SRSF5: variants seen among roughly 807,000 people sequenced by gnomAD.
SRSF5 encodes serine/arginine-rich splicing factor 5.
A neutral mutation model predicts 34.0 loss-of-function variants in SRSF5; 5 were observed. The observed-to-expected ratio is 0.15, with a 90% CI of 0.08 to 0.31. SRSF5 has a LOEUF of 0.31. Ranked by LOEUF, SRSF5 falls within the 10% of genes least tolerant of loss-of-function variation. The pLI, the probability that SRSF5 is intolerant of heterozygous loss-of-function variation, is 1.00. For synonymous variants in SRSF5, 164 were observed against 117.7 expected (o/e 1.39, Z -2.55); for missense variants, 223 against 351.4 (o/e 0.63, Z 2.92).
Position 69,767,696 on chromosome 14 carries a change from C to T in SRSF5, c.-20+441C>T, listed in dbSNP as rs770728590. ...CCGCCGCCATTTTGTGGCCGCAGAG[C>T]GCCCGCCCGCTGCTGTTGGCGCAGG... On this transcript the variant is annotated intron_variant, in intron 1 of 7. Coordinates refer to ENST00000557154, the MANE Select transcript of SRSF5 (RefSeq NM_001320214.2). The T allele has an allele frequency of 9.3e-5, 34 of 363,904 alleles. 2 individuals are homozygous for T. The highest frequency in any genetic ancestry group is 1.9e-4 in the Non-Finnish European group (34 of 183,188). The allele number at this position is 363,904 out of a possible 1,614,324, so 22.5% of individuals were successfully genotyped here.
chr14:69,771,172 G>A, intron 7 of SRSF5, 22 bp from the exon 8 acceptor site: 1 of 1,613,784 alleles, frequency 6.2e-7, no homozygotes, highest in Non-Finnish European at 8.5e-7. Flanking sequence ...TATCTAGGCT[G>A]ATTTCTTTTC....
At chr14:69,768,757 A>T in intron 3 of SRSF5, 41 bp from the exon 4 acceptor site, 1 of 1,611,598 alleles carries the variant, frequency 6.2e-7, no homozygotes, top group Non-Finnish European at 8.5e-7. Context: ...AGATTTATGT[A>T]GCTTAAGTGT....
At chr14:69,768,949 A>T in intron 4 of SRSF5, 53 bp downstream of exon 4, 2 of 1,560,676 alleles carry the variant, frequency 1.3e-6, no homozygotes, top group Non-Finnish European at 1.8e-6. Flanking sequence ...GGTAGCATTT[A>T]AGATTCAGGA....
intron 1 of SRSF5, 44 bp downstream of exon 1, chr14:69,767,299 T>G: frequency 2.4e-6 from 1 of 415,018 alleles, no homozygotes; most frequent in South Asian, 1.7e-5. Context: ...GATCGAGGCT[T>G]CTTCATGGCC....
intron 4 of SRSF5, 133 bp from the exon 5 acceptor site, chr14:69,769,049 T>A (rs1257767946): frequency 7.7e-7 from 1 of 1,296,822 alleles, no homozygotes; most frequent in East Asian, 2.4e-5. Context: ...TCTATATGAG[T>A]CATAGAACAC....
At chr14:69,769,483 A>G in intron 5 of SRSF5, 1 of 1,535,156 alleles carries the variant, frequency 6.5e-7, no homozygotes, top group Non-Finnish European at 8.7e-7. Context: ...TCAATTTTTA[A>G]CCAAATATTA....
rs758681896 is a variant in SRSF5, at chr14:69,771,110, C to G, written c.551+5C>G. The G allele has an allele frequency of 6.2e-7, 1 of 1,612,634 alleles. No homozygotes were observed. Among genetic ancestry groups the G allele is most frequent in the South Asian group, 1.1e-5 (1 of 90,976 alleles). On this transcript the variant is annotated splice_donor_5th_base_variant and intron_variant, in intron 7 of 7. Transcript: ENST00000557154. ...TGAAGGCAGCAAAAGGCACAGGTAT[C>G]TCTAATTTTTTAAAGTCAAAAGTTG...
chr14:69,768,716 A>G lies in SRSF5; in HGVS notation c.197+42A>G, dbSNP rs757414473. ...ACTAGATAACCCTGGGACATAGAGC[A>G]GACTGGGTCTGCTGGCATATTTTTC... On this transcript the variant is annotated intron_variant, in intron 3 of 7. Transcript: ENST00000557154. 5.0e-6 allele frequency: 8 copies of G among 1,610,346 alleles called. No individual in the cohort carries two copies. The Admixed American group carries it at 1.2e-4, about 23-fold the overall frequency.
rs751016432 is a variant in SRSF5, at chr14:69,768,285, A to G, written c.126+3A>G. 11 of 1,614,052 alleles carry G rather than the reference A, an allele frequency of 6.8e-6. No homozygotes were observed. The highest frequency in any genetic ancestry group is 2.2e-5 in the East Asian group (1 of 44,900). Reference sequence around the variant, plus strand: ...TGAAAAGAGGCTTTGGTTTTGTGGTAAGTATTTAGAACTGGGTGAATTATC... The same window carrying G: ...TGAAAAGAGGCTTTGGTTTTGTGGTGAGTATTTAGAACTGGGTGAATTATC... On this transcript the variant is annotated splice_donor_region_variant and intron_variant, in intron 2 of 7. Coordinates refer to ENST00000557154, the MANE Select transcript of SRSF5 (RefSeq NM_001320214.2).
chr14:69,771,805 T>C lies in SRSF5; in HGVS notation c.*344T>C, dbSNP rs1883247559. On this transcript the variant is annotated 3_prime_UTR_variant, in exon 8 of 8. Transcript: ENST00000557154. ...ACATTTTAGTTCTTGGTTATAAAAA[T>C]GTTAATTCAGAATTAGTTTAATGCC... 1.4e-5 allele frequency: 3 copies of C among 220,114 alleles called. No individual in the cohort carries two copies. In the South Asian group the frequency reaches 2.2e-4, roughly 16 times the overall value. The allele number at this position is 220,114 out of a possible 1,614,324, so 13.6% of individuals were successfully genotyped here. A position where few individuals can be genotyped will look rare whatever the true frequency, so the allele number is the denominator to read the frequency against.
rs375324137 is a variant in SRSF5, at chr14:69,771,431, A to G, written c.789A>G (p.Ser263=). 1 of 1,614,170 alleles carries G rather than the reference A, an allele frequency of 6.2e-7. No homozygotes were observed. The highest frequency in any genetic ancestry group is 8.5e-7 in the Non-Finnish European group (1 of 1,179,972). ...ATCGCCAGAGGTCCCGGTCCCGATC[A>G]AGGTCCAGATCAGTTGACAGTGGCA... ...SVDRQRSRSR[S]RSRSVDSGN Residue 263 remains serine, a synonymous_variant, in exon 8 of 8, where the codon TCA becomes TCG. Transcript: ENST00000557154.
At chr14:69,770,776 T>A in intron 6 of SRSF5, 1 of 638,768 alleles carries the variant, frequency 1.6e-6, no homozygotes, top group East Asian at 2.7e-5. Flanking sequence ...GGCATCCTGC[T>A]AAGCATCCCA....
intron 1 of SRSF5, chr14:69,767,518 C>T (rs1204893068): frequency 2.2e-6 from 1 of 456,008 alleles, no homozygotes; most frequent in Admixed American, 2.3e-5. Flanking sequence ...ATCTCCTGGA[C>T]ACGTAGAATA....
chr14:69,767,506 T>A (rs776594316), intron 1 of SRSF5: 1 of 456,006 alleles, frequency 2.2e-6, no homozygotes, highest in South Asian at 1.5e-5. Flanking sequence ...CTTAATGTCT[T>A]CATCTCCTGG....
intron 5 of SRSF5, chr14:69,769,997 G>A (rs1207261413): frequency 1.9e-6 from 2 of 1,033,464 alleles, no homozygotes; most frequent in Non-Finnish European, 2.3e-6. Flanking sequence ...TTCTCCGACC[G>A]ATTAATGGTT....
chr14:69,768,103 A>G (rs1227786496), intron 1 of SRSF5, 35 bp from the exon 2 acceptor site: 2 of 1,610,292 alleles, frequency 1.2e-6, no homozygotes, highest in East Asian at 4.5e-5. Flanking sequence ...TGTGACAGTC[A>G]TTGCTATTAT....
At chr14:69,770,681 A>G in intron 6 of SRSF5, 141 bp downstream of exon 6, 1 of 782,630 alleles carries the variant, frequency 1.3e-6, no homozygotes, top group South Asian at 1.7e-5. Context: ...CCTCCCCCCC[A>G]CACCTTTGGC....
chr14:69,768,287 G>C lies in SRSF5; in HGVS notation c.126+5G>C. 6.2e-7 allele frequency: 1 copy of C among 1,614,224 alleles called. No homozygotes were observed. Among genetic ancestry groups the C allele is most frequent in the Non-Finnish European group, 8.5e-7 (1 of 1,180,034 alleles). The stretch of plus-strand genomic sequence containing the variant: ...AAAAGAGGCTTTGGTTTTGTGGTAA[G>C]TATTTAGAACTGGGTGAATTATCTG... On this transcript the variant is annotated splice_donor_5th_base_variant and intron_variant, in intron 2 of 7. Coordinates refer to ENST00000557154, the MANE Select transcript of SRSF5 (RefSeq NM_001320214.2).
At chr14:69,769,098 T>G in intron 4 of SRSF5, 84 bp from the exon 5 acceptor site, 1 of 1,500,222 alleles carries the variant, frequency 6.7e-7, no homozygotes, top group South Asian at 1.1e-5. Flanking sequence ...GCTTGTGATA[T>G]CTGATGGCTT....
Sources: allele counts gnomAD v4.1 joint callset, GRCh38; gene constraint gnomAD v4.1.1; transcripts MANE v1.5; gene names NCBI Gene and HGNC (gene_info 2026-07-23, HGNC 2026-07-21).